The following MTHFD2L variants were observed in gnomAD, a reference collection of about 807,000 sequenced individuals.
The protein encoded by MTHFD2L is bifunctional methylenetetrahydrofolate dehydrogenase/cyclohydrolase 2, mitochondrial.
Under a neutral mutation model 34.9 loss-of-function variants are expected in MTHFD2L, and 29 were observed. The observed-to-expected ratio is 0.83, with a 90% CI of 0.62 to 1.13. MTHFD2L has a LOEUF of 1.13. Among genes scored for constraint, MTHFD2L ranks in the 50% most tolerant of loss-of-function variants. MTHFD2L has a pLI of 0.00. For missense variants in MTHFD2L, 481 were observed against 446.5 expected (o/e 1.08, Z -0.70); for synonymous variants, 167 against 155.7 (o/e 1.07, Z -0.54).
chr4:74,137,073 G>A (rs1722984784), intron 1 of MTHFD2L, among the ~76,000 whole-genome samples: 1 of 152,104 alleles, frequency 6.6e-6, no homozygotes, highest in South Asian at 2.1e-4. Flanking sequence ...GATTTCTTGT[G>A]TAACCTCTAA....
intron 7 of MTHFD2L, among the ~76,000 whole-genome samples, chr4:74,298,043 T>C (rs936821658): frequency 2.0e-5 from 3 of 152,022 alleles, no homozygotes; most frequent in African/African-American, 7.2e-5. Flanking sequence ...CAGACACAGA[T>C]ACTCATGAAA....
At chr4:74,283,229 T>TA (rs1382670646) in intron 7 of MTHFD2L, among the ~76,000 whole-genome samples, 2 of 152,162 alleles carry the variant, frequency 1.3e-5, no homozygotes, top group Non-Finnish European at 2.9e-5. Flanking sequence ...TCTTCTCTCA[T>TA]AGAGTATTTT....
chr4:74,158,342 G>C (rs1182870947), intron 1 of MTHFD2L, 61 bp downstream of exon 1: 3 of 1,165,266 alleles, frequency 2.6e-6, no homozygotes, highest in African/African-American at 3.2e-5. Context: ...GCGGGGGCGC[G>C]GGCGGCGCTC....
chr4:74,292,092 G>C (rs1384368350), intron 7 of MTHFD2L, among the ~76,000 whole-genome samples: 5 of 152,250 alleles, frequency 3.3e-5, no homozygotes, highest in Non-Finnish European at 5.9e-5. Flanking sequence ...CCCACACTGA[G>C]CATTTCACGA....
chr4:74,287,286 A>G (rs916383452), intron 7 of MTHFD2L, among the ~76,000 whole-genome samples: 3 of 152,176 alleles, frequency 2.0e-5, no homozygotes, highest in Non-Finnish European at 4.4e-5. Context: ...CTGATTTGCC[A>G]TGCTGAAATT....
intron 6 of MTHFD2L, among the ~76,000 whole-genome samples, chr4:74,279,224 C>T (rs1273639037): frequency 1.3e-5 from 2 of 151,798 alleles, no homozygotes; most frequent in Non-Finnish European, 2.9e-5. Context: ...TGGGAAAATG[C>T]TCACATTTTA....
chr4:74,237,815 C>G (rs904008257), intron 6 of MTHFD2L, among the ~76,000 whole-genome samples: 7 of 152,088 alleles, frequency 4.6e-5, no homozygotes, highest in African/African-American at 9.7e-5. Context: ...AGAGCTTGCA[C>G]CTGCAGAGTT....
chr4:74,228,122 C>T (rs1739457369), intron 6 of MTHFD2L, among the ~76,000 whole-genome samples: 1 of 152,084 alleles, frequency 6.6e-6, no homozygotes, highest in Non-Finnish European at 1.5e-5. Flanking sequence ...CAAAAAATTA[C>T]ATTTGGGTGA....
intron 1 of MTHFD2L, among the ~76,000 whole-genome samples, chr4:74,159,489 GC>G (rs2109885518): frequency 1.3e-5 from 2 of 152,332 alleles, no homozygotes; most frequent in South Asian, 4.1e-4. Context: ...TTTTAGGGGT[GC>G]TTTTCAGGGT....
At chr4:74,158,704 A>G (rs916102505) in intron 1 of MTHFD2L, among the ~76,000 whole-genome samples, 1 of 152,152 alleles carries the variant, frequency 6.6e-6, no homozygotes, top group Non-Finnish European at 1.5e-5. Context: ...TCCTTTGTTA[A>G]TAGTGTTGTC....
chr4:74,301,928 G>C lies in MTHFD2L; in HGVS notation c.*119G>C. 1 of 491,328 alleles carries C rather than the reference G, an allele frequency of 2.0e-6. No homozygotes were observed. Among genetic ancestry groups the C allele is most frequent in the Middle Eastern group, 4.9e-4 (1 of 2,058 alleles). The allele number at this position is 491,328 out of a possible 1,614,324, so 30.4% of individuals were successfully genotyped here. On this transcript the variant is annotated 3_prime_UTR_variant, in exon 8 of 8. Transcript: ENST00000325278. ...CTACATGGTATTTATTTTTTCATGG[G>C]TGAAATCATTGTGAATCAATTGATT...
At chr4:74,191,459 C>T (rs1190690348) in intron 3 of MTHFD2L, among the ~76,000 whole-genome samples, 1 of 151,432 alleles carries the variant, frequency 6.6e-6, no homozygotes, top group Non-Finnish European at 1.5e-5. Context: ...GTAATAGTAC[C>T]AGATAGTCAA....
chr4:74,266,524 A>G (rs1745303908), intron 6 of MTHFD2L, among the ~76,000 whole-genome samples: 1 of 152,208 alleles, frequency 6.6e-6, no homozygotes, highest in South Asian at 2.1e-4. Flanking sequence ...TTGGATTTCC[A>G]AAACCAAAAC....
intron 5 of MTHFD2L, among the ~76,000 whole-genome samples, chr4:74,216,872 G>T (rs1560497820): frequency 6.6e-6 from 1 of 151,774 alleles, no homozygotes; most frequent in Non-Finnish European, 1.5e-5. Flanking sequence ...AAATATTTAT[G>T]AACTAGTTTC....
chr4:74,160,137 T>A (rs531009106), intron 1 of MTHFD2L: 96 of 1,244,202 alleles, frequency 7.7e-5, no homozygotes, highest in Non-Finnish European at 8.9e-5. Flanking sequence ...GTCATCTTTT[T>A]TATATATATA....
At chr4:74,165,279 A>T (rs1726437040) in intron 1 of MTHFD2L, among the ~76,000 whole-genome samples, 1 of 152,216 alleles carries the variant, frequency 6.6e-6, no homozygotes. Flanking sequence ...GCATATTCAC[A>T]TGCTTGAATC....
chr4:74,192,945 T>G (rs1005570314), intron 3 of MTHFD2L, among the ~76,000 whole-genome samples: 9 of 152,070 alleles, frequency 5.9e-5, no homozygotes, highest in Non-Finnish European at 1.0e-4. Context: ...AGATTTTAAT[T>G]TTTCTTAAGT....
At chr4:74,279,864 T>C (rs6819605) in intron 6 of MTHFD2L, among the ~76,000 whole-genome samples, 56,882 of 151,884 alleles carry the variant, frequency 0.37, 13,656 homozygotes, top group African/African-American at 0.69. Context: ...GTGACTCTTC[T>C]GTTACATCAT....
At chr4:74,211,536 A>C (rs1274465937) in intron 5 of MTHFD2L, among the ~76,000 whole-genome samples, 1 of 152,176 alleles carries the variant, frequency 6.6e-6, no homozygotes, top group East Asian at 1.9e-4. Flanking sequence ...GAGGAAGCCA[A>C]CTTGATTGTG....
Sources: gnomAD v4.1 joint callset for allele counts (sites outside exome capture counted in the v4.1 genomes callset) on GRCh38, gnomAD v4.1.1 for gene constraint, MANE v1.5 for transcripts, NCBI Gene and HGNC (gene_info 2026-07-23, HGNC 2026-07-21) for gene names.